UEVLD: variants seen among roughly 807,000 people sequenced by gnomAD.
The protein encoded by UEVLD is ubiquitin-conjugating enzyme E2 variant 3.
In UEVLD, 47 loss-of-function variants were observed where a neutral mutation model predicts 58.6. The observed-to-expected ratio is 0.80, with a 90% CI of 0.63 to 1.02. The LOEUF (loss-of-function observed/expected upper bound fraction) is 1.02. UEVLD is among the 50% of genes least tolerant of loss of function. The pLI, the probability that UEVLD is intolerant of heterozygous loss-of-function variation, is 0.00. For missense variants in UEVLD, 510 were observed against 550.6 expected (o/e 0.93, Z 0.74); for synonymous variants, 197 against 195.3 (o/e 1.01, Z -0.07).
intron 1 of UEVLD, among the ~76,000 whole-genome samples, chr11:18,586,623 C>A (rs1024291317): frequency 1.3e-5 from 2 of 152,152 alleles, no homozygotes; most frequent in African/African-American, 4.8e-5. Flanking sequence ...AGGGCTCAAG[C>A]TATTCTCCTG....
intron 1 of UEVLD, among the ~76,000 whole-genome samples, chr11:18,586,889 G>A (rs980031171): frequency 6.6e-6 from 1 of 152,044 alleles, no homozygotes; most frequent in African/African-American, 2.4e-5. Context: ...AAAATTAGCC[G>A]GGCTTGGTGG....
At chr11:18,537,324 A>ATATTTTTTTTT (rs1160942409) in intron 9 of UEVLD, among the ~76,000 whole-genome samples, 2 of 131,564 alleles carry the variant, frequency 1.5e-5, no homozygotes, top group Non-Finnish European at 3.1e-5. Context: ...ATATATATAT[A>ATATTTTTTTTT]TTTTTTTTTT....
Position 18,588,712 on chromosome 11 carries a change from C to A in UEVLD, c.-58G>T. Reference sequence around the variant, plus strand: ...TCCAGCCCCCGGACCTTCTTCCGGACTTGCTGCAGGACGGAAGCCGCTGAG... The same window carrying A: ...TCCAGCCCCCGGACCTTCTTCCGGAATTGCTGCAGGACGGAAGCCGCTGAG... On this transcript the variant is annotated 5_prime_UTR_variant, in exon 1 of 12. Transcript: ENST00000396197. 1 of 1,581,922 alleles carries A rather than the reference C, an allele frequency of 6.3e-7. No individual in the cohort carries two copies. The highest frequency in any genetic ancestry group is 8.6e-7 in the Non-Finnish European group (1 of 1,168,966).
intron 9 of UEVLD, among the ~76,000 whole-genome samples, chr11:18,543,024 C>G (rs956055663): frequency 6.6e-6 from 1 of 151,736 alleles, no homozygotes; most frequent in South Asian, 2.1e-4. Context: ...TCCTGAGTAG[C>G]TGGGACTACA....
intron 8 of UEVLD, among the ~76,000 whole-genome samples, chr11:18,545,064 C>CTATCTATA (rs1554976299): frequency 4.9e-5 from 1 of 20,238 alleles, no homozygotes; most frequent in African/African-American, 1.3e-4. Context: ...ATATCTATAT[C>CTATCTATA]TATATCTATA....
intron 1 of UEVLD, among the ~76,000 whole-genome samples, chr11:18,579,786 T>C (rs1005961290): frequency 6.6e-6 from 1 of 152,208 alleles, no homozygotes; most frequent in African/African-American, 2.4e-5. Flanking sequence ...ATTAAGAGTT[T>C]ACCATTCTGA....
At position 18,558,247 on chromosome 11, in the gene UEVLD, A is replaced by C. The variant is rs920316292; in HGVS notation, c.696T>G (p.Pro232=). The C allele has an allele frequency of 1.4e-5, 23 of 1,612,588 alleles. No individual in the cohort carries two copies. The highest frequency in any genetic ancestry group is 1.9e-5 in the Non-Finnish European group (22 of 1,179,372). Residue 232 remains proline (P), a synonymous_variant, in exon 7 of 12, where the codon CCT becomes CCG. Transcript: ENST00000396197. ...ACAGACCTTTGCTGATCTCCACATT[A>C]GGAAGGTTGAAGATTTCAAGGTCCA... The part of the protein sequence containing the change: ...ATMDLEIFNL[P]NVEISKDLSA...
chr11:18,541,036 C>A (rs1470941122), intron 9 of UEVLD, among the ~76,000 whole-genome samples: 1 of 152,188 alleles, frequency 6.6e-6, no homozygotes, highest in East Asian at 1.9e-4. Context: ...GAAGAGCTCA[C>A]AATTAACTTC....
chr11:18,536,556 C>G (rs1297913369), intron 9 of UEVLD, 87 bp from the exon 10 acceptor site: 1 of 1,116,566 alleles, frequency 9.0e-7, no homozygotes, highest in Admixed American at 1.9e-5. Flanking sequence ...TCAAGGGTAC[C>G]TGTGCTAATA....
chr11:18,538,367 C>T (rs1322601085), intron 9 of UEVLD, among the ~76,000 whole-genome samples: 2 of 151,336 alleles, frequency 1.3e-5, no homozygotes, highest in African/African-American at 4.9e-5. Flanking sequence ...ACCTCCGTCT[C>T]CCAGGTTCAA....
chr11:18,562,607 C>CA (rs1367624263), intron 6 of UEVLD, among the ~76,000 whole-genome samples: 1 of 151,808 alleles, frequency 6.6e-6, no homozygotes, highest in Non-Finnish European at 1.5e-5. Flanking sequence ...AGGCTGGTCT[C>CA]AAACTCCTGG....
intron 8 of UEVLD, 45 bp from the exon 9 acceptor site, chr11:18,544,841 T>A: frequency 1.4e-6 from 2 of 1,412,396 alleles, no homozygotes; most frequent in Non-Finnish European, 1.9e-6. Flanking sequence ...TTAAAAAATA[T>A]ATACTTCTAG....
chr11:18,558,160 C>G (rs955614683), intron 7 of UEVLD, 68 bp downstream of exon 7: 1 of 1,147,804 alleles, frequency 8.7e-7, no homozygotes, highest in Non-Finnish European at 1.2e-6. Context: ...TGCTTTTCAG[C>G]ATTAACATTC....
intron 7 of UEVLD, among the ~76,000 whole-genome samples, chr11:18,554,314 A>G (rs1028399433): frequency 2.0e-5 from 3 of 149,856 alleles, no homozygotes; most frequent in Non-Finnish European, 3.0e-5. Context: ...CTGGTCTCAA[A>G]CTCCCGACCT....
chr11:18,573,221 CTG>C (rs1474515166), intron 3 of UEVLD, among the ~76,000 whole-genome samples: 3 of 152,184 alleles, frequency 2.0e-5, no homozygotes, highest in Non-Finnish European at 4.4e-5. Context: ...CCGCCCTACT[CTG>C]TATTAGAAAC....
intron 6 of UEVLD, among the ~76,000 whole-genome samples, chr11:18,560,363 C>CA: frequency 6.6e-6 from 1 of 151,874 alleles, no homozygotes; most frequent in Middle Eastern, 3.4e-3. Flanking sequence ...TTATAAGGCA[C>CA]AAAAAAATCC....
intron 7 of UEVLD, among the ~76,000 whole-genome samples, chr11:18,551,215 T>G (rs931201025): frequency 6.6e-6 from 1 of 151,792 alleles, no homozygotes; most frequent in African/African-American, 2.4e-5. Context: ...GATCACGAGG[T>G]CAGGAGTTCA....
At chr11:18,544,040 C>G (rs1851178378) in intron 9 of UEVLD, among the ~76,000 whole-genome samples, 1 of 152,120 alleles carries the variant, frequency 6.6e-6, no homozygotes, top group Admixed American at 6.5e-5. Flanking sequence ...ATGTTTCTTT[C>G]TGGAAAATTA....
rs934258684 is a variant in UEVLD at position 18,547,111 on chromosome 11, A to G, written c.716-61T>C. On this transcript the variant is annotated intron_variant, in intron 7 of 11. Coordinates refer to ENST00000396197, the MANE Select transcript of UEVLD (RefSeq NM_001040697.4). The stretch of plus-strand genomic sequence containing the variant: ...ACAGGCTTTAATCAAGTTCTAGTTC[A>G]CGATTAAAAGGTTGTTCTTTTCAAC... 2.0e-6 allele frequency: 3 copies of G among 1,532,278 alleles called. No individual in the cohort carries two copies. The African/African-American group carries it at 4.2e-5, about 21-fold the overall frequency. The allele number at this position is 1,532,278 out of a possible 1,614,324, so 94.9% of individuals were successfully genotyped here.
Sources: allele counts gnomAD v4.1 joint callset (sites outside exome capture counted in the v4.1 genomes callset), GRCh38; gene constraint gnomAD v4.1.1; transcripts MANE v1.5; gene names NCBI Gene and HGNC (gene_info 2026-07-23, HGNC 2026-07-21).